The following MTR variants were observed in gnomAD, a reference collection of about 807,000 sequenced individuals.
MTR encodes the protein methionine synthase.
MTR carries 84 observed loss-of-function variants against 154.8 expected under a neutral mutation model. The ratio of observed to expected loss-of-function variants is 0.54; its 90% CI spans 0.45 to 0.65. The LOEUF (loss-of-function observed/expected upper bound fraction) is 0.65. MTR is among the 30% of genes least tolerant of loss of function. The probability of loss-of-function intolerance (pLI) is 0.00; values close to 1 mark genes in which losing one functional copy is unlikely to be tolerated. For synonymous variants in MTR, 554 were observed against 553.9 expected (o/e 1.00, Z 0.00); for missense variants, 1,275 against 1,570.2 (o/e 0.81, Z 3.18).
intron 27 of MTR, among the ~76,000 whole-genome samples, chr1:236,888,925 G>A (rs1194927058): frequency 6.6e-6 from 1 of 152,242 alleles, no homozygotes. Context: ...AGGGGGTGGG[G>A]ATGGAAGGGT....
At chr1:236,824,643 T>C (rs1490782932) in intron 9 of MTR, among the ~76,000 whole-genome samples, 2 of 152,230 alleles carry the variant, frequency 1.3e-5, no homozygotes, top group Non-Finnish European at 2.9e-5. Context: ...TATGGAAATG[T>C]TTTGAAGATA....
chr1:236,850,797 G>A (rs988895977), intron 16 of MTR, among the ~76,000 whole-genome samples: 2 of 152,098 alleles, frequency 1.3e-5, no homozygotes, highest in African/African-American at 2.4e-5. Context: ...ACGCCAGTGC[G>A]CTCTAGCCTG....
Position 236,819,551 on chromosome 1 carries a change from T to C in MTR, c.764+3008T>C, listed in dbSNP as rs2103073804. 3 of 344,984 alleles carry C rather than the reference T, an allele frequency of 8.7e-6. No homozygotes were observed. In the East Asian group the frequency reaches 2.0e-4, roughly 23 times the overall value. The allele number at this position is 344,984 out of a possible 1,614,324, so 21.4% of individuals were successfully genotyped here. On this transcript the variant is annotated intron_variant, in intron 8 of 32. Coordinates refer to ENST00000366577, the MANE Select transcript of MTR (RefSeq NM_000254.3). ...AAGTTGTAGCAATTACAAATAAATC[T>C]CCCATGGCCTTTCCATGCTACTCAC...
At chr1:236,796,800 A>AATAAG (rs146261865) in intron 1 of MTR, among the ~76,000 whole-genome samples, 97,925 of 150,696 alleles carry the variant, frequency 0.65, 32,045 homozygotes, top group South Asian at 0.71. Flanking sequence ...TTAATTAATA[A>AATAAG]ATGTAAACCT....
intron 17 of MTR, 142 bp from the exon 18 acceptor site, chr1:236,852,806 A>G: frequency 1.8e-6 from 2 of 1,122,290 alleles, no homozygotes; most frequent in South Asian, 1.3e-5. Context: ...GGCTGCTTTT[A>G]TGCTGTAACT....
intron 2 of MTR, 79 bp from the exon 3 acceptor site, chr1:236,806,065 G>T (rs1572185665): frequency 1.8e-6 from 2 of 1,137,244 alleles, no homozygotes; most frequent in East Asian, 2.4e-5. Flanking sequence ...TGATAATGGT[G>T]GTAATGAAAG....
At chr1:236,896,980 CA>C in intron 31 of MTR, 25 bp from the exon 32 acceptor site, 27 of 1,539,656 alleles carry the variant, frequency 1.8e-5, no homozygotes, top group Non-Finnish European at 2.4e-5. Flanking sequence ...AGTCCATAAG[CA>C]TTTTCCCTGT....
chr1:236,807,770 A>C (rs1348774169), intron 3 of MTR, among the ~76,000 whole-genome samples: 1 of 152,198 alleles, frequency 6.6e-6, no homozygotes, highest in Non-Finnish European at 1.5e-5. Flanking sequence ...TTTAGAGCAG[A>C]AGTTGGCCAA....
rs377058421 is a variant in MTR at position 236,894,658 on chromosome 1, CT to C, written c.3405+116del. The C allele has an allele frequency of 0.13, 104,019 of 786,520 alleles. 119 individuals are homozygous for C. The highest frequency in any genetic ancestry group is 0.16 in the Middle Eastern group (395 of 2,522). 48.7% of individuals were successfully genotyped at this position (786,520 alleles called of 1,614,324 possible). ...ACTGATCAGCCCTTAGAACCAGTGTCTTTTTTTTTTTTTTTCTTGAGATGGA... is the reference window on the plus strand; with the variant it reads ...ACTGATCAGCCCTTAGAACCAGTGTCTTTTTTTTTTTTTTCTTGAGATGGA... On this transcript the variant is annotated intron_variant, in intron 30 of 32. Coordinates refer to ENST00000366577, the MANE Select transcript of MTR (RefSeq NM_000254.3).
At chr1:236,803,292 A>T in intron 1 of MTR, 136 bp from the exon 2 acceptor site, 2 of 877,120 alleles carry the variant, frequency 2.3e-6, no homozygotes, top group Non-Finnish European at 3.7e-6. Context: ...GTTTTCCTAT[A>T]TAGAGTTATG....
rs535407914 is a variant in MTR, at chr1:236,853,284, TG to T, written c.1953+197del. On this transcript the variant is annotated intron_variant, in intron 18 of 32. Transcript: ENST00000366577. Reference sequence around the variant, plus strand: ...AAGGGTAAACAGACCATGCCTAGGGTGCTTCCGTATTCTGAACTTAGGTTTC... The same window carrying T: ...AAGGGTAAACAGACCATGCCTAGGGTCTTCCGTATTCTGAACTTAGGTTTC... Among the ~76,000 whole-genome samples the T allele has an allele frequency of 3.0e-3, 463 of 152,304 alleles. 7 individuals carry two copies. The highest frequency in any genetic ancestry group is 7.8e-4 in the Non-Finnish European group (53 of 68,022).
At chr1:236,850,823 C>G (rs932862759) in intron 16 of MTR, among the ~76,000 whole-genome samples, 1 of 152,062 alleles carries the variant, frequency 6.6e-6, no homozygotes, top group Non-Finnish European at 1.5e-5. Context: ...CAGAGTGAGG[C>G]CCTGCCTTGA....
intron 29 of MTR, among the ~76,000 whole-genome samples, chr1:236,892,702 A>T (rs1252252): frequency 0.28 from 42,396 of 152,060 alleles, 7,252 homozygotes; most frequent in Non-Finnish European, 0.37. Flanking sequence ...GCCACAGAAT[A>T]TAAGGCACTG....
intron 8 of MTR, chr1:236,820,587 T>TAAAA (rs35453692): frequency 4.9e-5 from 20 of 411,012 alleles, no homozygotes; most frequent in African/African-American, 1.3e-4. Flanking sequence ...GTCAGTTTCT[T>TAAAA]AAAAAAAAAA....
At chr1:236,896,512 T>C (rs1292218592) in intron 31 of MTR, among the ~76,000 whole-genome samples, 2 of 152,218 alleles carry the variant, frequency 1.3e-5, no homozygotes, top group East Asian at 1.9e-4. Flanking sequence ...CGAATAGATA[T>C]CCTTGAGGGT....
At chr1:236,860,278 C>T (rs1427966567) in intron 19 of MTR, among the ~76,000 whole-genome samples, 1 of 152,216 alleles carries the variant, frequency 6.6e-6, no homozygotes, top group African/African-American at 2.4e-5. Flanking sequence ...TGTCCTGGAC[C>T]AAGTTGCTGG....
chr1:236,815,388 T>G (rs1661528828), intron 6 of MTR, among the ~76,000 whole-genome samples: 1 of 152,184 alleles, frequency 6.6e-6, no homozygotes, highest in Non-Finnish European at 1.5e-5. Context: ...TAGGTGAACT[T>G]TCAGTCAGCT....
chr1:236,824,817 T>A (rs190489402), intron 9 of MTR, among the ~76,000 whole-genome samples: 53 of 152,346 alleles, frequency 3.5e-4, no homozygotes, highest in African/African-American at 9.1e-4. Flanking sequence ...CAATAAATTT[T>A]ATTTCCCACC....
chr1:236,857,667 A>C (rs1664282724), intron 18 of MTR, among the ~76,000 whole-genome samples: 1 of 152,192 alleles, frequency 6.6e-6, no homozygotes, highest in South Asian at 2.1e-4. Flanking sequence ...AGTAAGAGAG[A>C]TGTACCCCTA....
Sources: allele counts gnomAD v4.1 joint callset (sites outside exome capture counted in the v4.1 genomes callset), GRCh38; gene constraint gnomAD v4.1.1; transcripts MANE v1.5; gene names NCBI Gene and HGNC (gene_info 2026-07-23, HGNC 2026-07-21).